EPHA2: variants seen among roughly 807,000 people sequenced by gnomAD.
EPHA2 encodes the protein ephrin type-A receptor 2.
Under a neutral mutation model 104.9 loss-of-function variants are expected in EPHA2, and 54 were observed. The observed-to-expected ratio is 0.51, with a 90% CI of 0.41 to 0.65. EPHA2 has a LOEUF of 0.65. EPHA2 is among the 30% of genes least tolerant of loss of function. EPHA2 has a pLI of 0.00. For missense variants in EPHA2, 1,117 were observed against 1,369.5 expected (o/e 0.82, Z 2.91); for synonymous variants, 560 against 559.1 (o/e 1.00, Z -0.02).
In EPHA2 at chr1:16,135,152, C is replaced by A. The variant is rs140392218; in HGVS notation, c.1466G>T (p.Gly489Val). ...CAGGTCGTCCAGGGTCACGGAGAAA[C>A]CCTCGGTGCGGCGCACATTGTAGCT... Reference protein sequence around the residue: ...SNSYNVRRTEGFSVTLDDLAP... With the variant: ...SNSYNVRRTEVFSVTLDDLAP... The change falls in exon 7 of 17, where the codon GGT (glycine) becomes GTT (valine). Residue 489 changes from glycine (G) to valine (V), a missense_variant. Around this residue, in one of 3 missense-constraint regions of EPHA2, gnomAD observed 664 missense variants for 784.8 expected, o/e 0.85. Transcript: ENST00000358432. The surrounding 1 kb of genome is among the most constrained non-coding windows in gnomAD (Gnocchi z 4.3). 1.6e-5 allele frequency: 26 copies of A among 1,614,016 alleles called. No homozygotes were observed. In the East Asian group the frequency reaches 4.7e-4, roughly 29 times the overall value.
chr1:16,145,441 C>A (rs981882018), intron 3 of EPHA2, among the ~76,000 whole-genome samples: 2 of 152,206 alleles, frequency 1.3e-5, no homozygotes, highest in Non-Finnish European at 2.9e-5. Flanking sequence ...GGGGAAAGAA[C>A]CCTGAGGAGA....
rs915639904 is a variant in EPHA2, at chr1:16,135,297, G to C, written c.1429-108C>G. 4.9e-6 allele frequency: 7 copies of C among 1,430,472 alleles called. No homozygotes were observed. The African/African-American group carries it at 9.8e-5, about 20-fold the overall frequency. The allele number at this position is 1,430,472 out of a possible 1,614,324, so 88.6% of individuals were successfully genotyped here. On this transcript the variant is annotated intron_variant, in intron 6 of 16. Coordinates refer to ENST00000358432, the MANE Select transcript of EPHA2 (RefSeq NM_004431.5). The surrounding 1 kb of genome is among the most constrained non-coding windows in gnomAD (Gnocchi z 4.3). Reference sequence around the variant, plus strand: ...CTAGCAAGGTGGCTTGCCTTTGTTAGCAAACTTGAGGCTCTTCTTACAGAG... The same window carrying C: ...CTAGCAAGGTGGCTTGCCTTTGTTACCAAACTTGAGGCTCTTCTTACAGAG...
At chr1:16,141,818 C>A (rs147088963) in intron 3 of EPHA2, among the ~76,000 whole-genome samples, 1 of 152,230 alleles carries the variant, frequency 6.6e-6, no homozygotes, top group Non-Finnish European at 1.5e-5. Context: ...ATTTCCGCTG[C>A]GGATGTGCCA....
Position 16,156,054 on chromosome 1 carries a change from G to A in EPHA2, c.-122C>T. The A allele has an allele frequency of 5.3e-6, 4 of 750,768 alleles. No homozygotes were observed. Among genetic ancestry groups the A allele is most frequent in the South Asian group, 5.0e-5 (2 of 40,188 alleles). The allele number at this position is 750,768 out of a possible 1,614,324, so 46.5% of individuals were successfully genotyped here. On this transcript the variant is annotated 5_prime_UTR_variant, in exon 1 of 17. Coordinates refer to ENST00000358432, the MANE Select transcript of EPHA2 (RefSeq NM_004431.5). ...CCTGCGCGCAACTTCTGCCCCTCCT[G>A]CCCCGAGTCCTTAATGGAAGTTGGG... is the stretch of plus-strand genomic sequence containing the variant.
At chr1:16,132,483 A>G in intron 11 of EPHA2, 44 bp from the exon 12 acceptor site, 1 of 1,599,086 alleles carries the variant, frequency 6.3e-7, no homozygotes, top group Non-Finnish European at 8.5e-7. Context: ...GGGCCCAGGC[A>G]TGTGGGAGAG....
rs2024449522 is a variant in EPHA2 at position 16,125,466 on chromosome 1, G to A, written c.2826-146C>T. 1.5e-6 allele frequency: 1 copy of A among 648,888 alleles called. No individual in the cohort carries two copies. Among genetic ancestry groups the A allele is most frequent in the Non-Finnish European group, 2.7e-6 (1 of 374,996 alleles). 40.2% of individuals were successfully genotyped at this position (648,888 alleles called of 1,614,324 possible). On this transcript the variant is annotated intron_variant, in intron 16 of 16. Coordinates refer to ENST00000358432, the MANE Select transcript of EPHA2 (RefSeq NM_004431.5). This position sits in a 1 kb window ranked among gnomAD's most constrained non-coding sequence, Gnocchi z 4.9. ...GGTGGAGAGGGTGCCTTGGGGACCTGTAGGGCAAGAGAGCTCTGGTTAGGT... is the reference window on the plus strand; with the variant it reads ...GGTGGAGAGGGTGCCTTGGGGACCTATAGGGCAAGAGAGCTCTGGTTAGGT...
chr1:16,138,915 C>T (rs1401873871), intron 3 of EPHA2, among the ~76,000 whole-genome samples: 1 of 152,218 alleles, frequency 6.6e-6, no homozygotes, highest in Non-Finnish European at 1.5e-5. Flanking sequence ...GTCACCACCA[C>T]CCTGACTCAC....
intron 3 of EPHA2, among the ~76,000 whole-genome samples, chr1:16,147,445 T>C (rs1056745250): frequency 3.9e-5 from 6 of 152,072 alleles, no homozygotes; most frequent in Admixed American, 2.0e-4. Context: ...GTCACTTCTA[T>C]GTACGAAAGA....
intron 5 of EPHA2, among the ~76,000 whole-genome samples, 184 bp downstream of exon 5, chr1:16,137,669 C>T (rs541839443): frequency 7.2e-5 from 11 of 152,354 alleles, no homozygotes; most frequent in South Asian, 4.1e-4. Context: ...TGTGTTGGGC[C>T]GCATTCAATG....
At chr1:16,136,773 G>GAAGAAGAAGAAGAAGAAGAAC (rs869033211) in intron 5 of EPHA2, among the ~76,000 whole-genome samples, 2 of 146,500 alleles carry the variant, frequency 1.4e-5, no homozygotes, top group Non-Finnish European at 3.0e-5. Context: ...AGAAGAAGAA[G>GAAGAAGAAGAAGAAGAAGAAC]AACTAACTTT....
chr1:16,142,710 T>C (rs890333304), intron 3 of EPHA2, among the ~76,000 whole-genome samples: 2 of 74,532 alleles, frequency 2.7e-5, no homozygotes, highest in Non-Finnish European at 5.7e-5. Flanking sequence ...GGAGTGGTGG[T>C]TGGATGGATG....
chr1:16,135,815 C>A lies in EPHA2; in HGVS notation c.1313-45G>T, dbSNP rs745474288. 1.5e-5 allele frequency: 15 copies of A among 985,664 alleles called. No homozygotes were observed. The highest frequency in any genetic ancestry group is 2.1e-5 in the Non-Finnish European group (13 of 614,664). 61.1% of individuals were successfully genotyped at this position (985,664 alleles called of 1,614,324 possible). ...GGGGAAGTGGGTAAGAAGCTGCCTACGAGCAGGCAGGGTTTGGGGGGACAA... is the reference window on the plus strand; with the variant it reads ...GGGGAAGTGGGTAAGAAGCTGCCTAAGAGCAGGCAGGGTTTGGGGGGACAA... On this transcript the variant is annotated intron_variant, in intron 5 of 16. Transcript: ENST00000358432. The surrounding 1 kb of genome is among the most constrained non-coding windows in gnomAD (Gnocchi z 4.3).
At position 16,150,760 on chromosome 1, in the gene EPHA2, G is replaced by T; in HGVS notation, c.153+136C>A. 1.0e-6 allele frequency: 1 copy of T among 995,052 alleles called. No homozygotes were observed. Among genetic ancestry groups the T allele is most frequent in the Non-Finnish European group, 1.6e-6 (1 of 643,100 alleles). 61.6% of individuals were successfully genotyped at this position (995,052 alleles called of 1,614,324 possible). A position where few individuals can be genotyped will look rare whatever the true frequency, so the allele number is the denominator to read the frequency against. ...ACTCTGAGCCTGGTGTGAGAAGCTGGACCCTGAGCCTGAGACCTGGCTGAG... is the reference window on the plus strand; with the variant it reads ...ACTCTGAGCCTGGTGTGAGAAGCTGTACCCTGAGCCTGAGACCTGGCTGAG... On this transcript the variant is annotated intron_variant, in intron 2 of 16. Transcript: ENST00000358432. This position sits in a 1 kb window ranked among gnomAD's most constrained non-coding sequence, Gnocchi z 4.8.
At chr1:16,149,449 A>G (rs1337608978) in intron 2 of EPHA2, among the ~76,000 whole-genome samples, 1 of 152,238 alleles carries the variant, frequency 6.6e-6, no homozygotes, top group Non-Finnish European at 1.5e-5. Context: ...GGCACAAGGT[A>G]ACAGGCATAC....
intron 3 of EPHA2, among the ~76,000 whole-genome samples, chr1:16,139,324 G>C (rs1050087872): frequency 6.6e-6 from 1 of 152,186 alleles, no homozygotes; most frequent in Non-Finnish European, 1.5e-5. Context: ...GCCAGGGTGG[G>C]TAGAGGTCAC....
In EPHA2 at chr1:16,128,146, G is replaced by C. The variant is rs1476884084; in HGVS notation, c.2825+1288C>G. 2.0e-5 allele frequency among the ~76,000 whole-genome samples: 3 copies of C among 152,194 alleles called. No individual in the cohort carries two copies. Among genetic ancestry groups the C allele is most frequent in the Non-Finnish European group, 4.4e-5 (3 of 68,034 alleles). ...ATTTAGCACCCACTGTATACCAGTC[G>C]TGTCATCTGCGCTGCACCCATGCAA... On this transcript the variant is annotated intron_variant, in intron 16 of 16. Coordinates refer to ENST00000358432, the MANE Select transcript of EPHA2 (RefSeq NM_004431.5). The surrounding 1 kb of genome is among the most constrained non-coding windows in gnomAD (Gnocchi z 4.7).
rs370381303 is a variant in EPHA2, at chr1:16,134,672, G to C, written c.1583-105C>G. 7.9e-7 allele frequency: 1 copy of C among 1,258,508 alleles called. No homozygotes were observed. Among genetic ancestry groups the C allele is most frequent in the Non-Finnish European group, 1.1e-6 (1 of 879,024 alleles). The allele number at this position is 1,258,508 out of a possible 1,614,324, so 78.0% of individuals were successfully genotyped here. A position where few individuals can be genotyped will look rare whatever the true frequency, so the allele number is the denominator to read the frequency against. Reference sequence around the variant, plus strand: ...GGCCCCTACTGTGTGCTGGGTGCTTGCACTTGGGAAGGCTCCAGAGGGTAC... The same window carrying C: ...GGCCCCTACTGTGTGCTGGGTGCTTCCACTTGGGAAGGCTCCAGAGGGTAC... On this transcript the variant is annotated intron_variant, in intron 7 of 16. Coordinates refer to ENST00000358432, the MANE Select transcript of EPHA2 (RefSeq NM_004431.5). The surrounding 1 kb of genome is among the most constrained non-coding windows in gnomAD (Gnocchi z 4.5).
chr1:16,138,520 C>T, intron 3 of EPHA2, 90 bp from the exon 4 acceptor site: 2 of 1,575,298 alleles, frequency 1.3e-6, no homozygotes, highest in Non-Finnish European at 8.7e-7. Context: ...CCAGGGACCC[C>T]TGCCCTGCAA....
intron 16 of EPHA2, among the ~76,000 whole-genome samples, chr1:16,127,764 C>A (rs1047007209): frequency 6.6e-6 from 1 of 152,104 alleles, no homozygotes; most frequent in African/African-American, 2.4e-5. Context: ...TGGTGGGGGG[C>A]GCCGAATGAC....
Sources: gnomAD v4.1 joint callset for allele counts (sites outside exome capture counted in the v4.1 genomes callset) on GRCh38, gnomAD v4.1.1 for gene constraint, gnomAD v4.1.1 regional missense constraint, Gnocchi (gnomAD v3.1) non-coding constraint, MANE v1.5 for transcripts, NCBI Gene and HGNC (gene_info 2026-07-23, HGNC 2026-07-21) for gene names.